The following SNX29 variants were observed in gnomAD, a reference collection of about 807,000 sequenced individuals.
SNX29 encodes the protein sorting nexin 29, also known as sorting nexin-29.
Under a neutral mutation model 102.1 loss-of-function variants are expected in SNX29, and 78 were observed. That is an observed-to-expected ratio of 0.76 (90% confidence interval 0.64 to 0.92). SNX29 has a LOEUF of 0.92. SNX29 is among the 40% of genes least tolerant of loss of function. The probability of loss-of-function intolerance (pLI) is 0.00; values close to 1 mark genes in which losing one functional copy is unlikely to be tolerated. For missense variants in SNX29, 1,280 were observed against 1,061.7 expected (o/e 1.21, Z -2.86); for synonymous variants, 580 against 414.5 (o/e 1.40, Z -4.85).
chr16:12,452,660 T>A (rs1364585363), intron 18 of SNX29, among the ~76,000 whole-genome samples: 1 of 152,046 alleles, frequency 6.6e-6, no homozygotes, highest in Non-Finnish European at 1.5e-5. Context: ...TCACCAGCCC[T>A]GGGGACTGGT....
chr16:12,474,044 A>G (rs1480015804), intron 18 of SNX29, among the ~76,000 whole-genome samples: 4 of 152,010 alleles, frequency 2.6e-5, no homozygotes, highest in Admixed American at 2.6e-4. Context: ...GAGATCCGAG[A>G]ACCTTCTCTT....
chr16:12,152,246 A>G (rs1014883479), intron 13 of SNX29, among the ~76,000 whole-genome samples: 1 of 152,030 alleles, frequency 6.6e-6, no homozygotes. Context: ...GCAATAATAC[A>G]CATGAAAAGA....
chr16:12,545,064 C>T (rs943554652), intron 20 of SNX29, among the ~76,000 whole-genome samples: 1 of 152,164 alleles, frequency 6.6e-6, no homozygotes, highest in African/African-American at 2.4e-5. Context: ...TGTAGCATAG[C>T]CACGAAATGC....
intron 15 of SNX29, among the ~76,000 whole-genome samples, chr16:12,337,427 G>C (rs770022885): frequency 2.8e-4 from 43 of 151,838 alleles, no homozygotes; most frequent in Non-Finnish European, 5.7e-4. Flanking sequence ...CCACAGCCTC[G>C]ACCTCCTGGG....
chr16:11,990,185 G>C (rs565938324), intron 1 of SNX29, among the ~76,000 whole-genome samples: 1 of 152,322 alleles, frequency 6.6e-6, no homozygotes, highest in East Asian at 1.9e-4. Flanking sequence ...GGTGTGTTGT[G>C]TTTGTTTCAT....
At chr16:12,239,041 C>T (rs1193057674) in intron 14 of SNX29, among the ~76,000 whole-genome samples, 3 of 152,236 alleles carry the variant, frequency 2.0e-5, no homozygotes, top group African/African-American at 7.2e-5. Flanking sequence ...CATCTCACAA[C>T]TTGAGTTTAC....
chr16:12,476,389 T>TATATATATATATATATATAC (rs2087618409), intron 18 of SNX29, among the ~76,000 whole-genome samples: 3 of 13,956 alleles, frequency 2.1e-4, no homozygotes, highest in Non-Finnish European at 2.2e-4. Context: ...AAAAAATATA[T>TATATATATATATATATATAC]ATATATATAT....
intron 13 of SNX29, among the ~76,000 whole-genome samples, chr16:12,161,651 G>A (rs564977812): frequency 2.0e-5 from 3 of 152,274 alleles, no homozygotes; most frequent in South Asian, 4.1e-4. Flanking sequence ...ACGGGGACAG[G>A]TGGGTCCCTC....
At chr16:12,155,677 G>A (rs533714225) in intron 13 of SNX29, among the ~76,000 whole-genome samples, 3 of 152,316 alleles carry the variant, frequency 2.0e-5, no homozygotes, top group East Asian at 3.9e-4. Flanking sequence ...GGCATGCCGA[G>A]ATGGAAAATG....
intron 15 of SNX29, among the ~76,000 whole-genome samples, chr16:12,291,189 A>T (rs1443030325): frequency 1.3e-5 from 2 of 152,004 alleles, no homozygotes; most frequent in African/African-American, 4.8e-5. Flanking sequence ...TTATTAGTCC[A>T]TTGTCACGGT....
chr16:12,117,589 T>C (rs936963806), intron 11 of SNX29, among the ~76,000 whole-genome samples: 4 of 152,192 alleles, frequency 2.6e-5, no homozygotes, highest in Non-Finnish European at 4.4e-5. Flanking sequence ...AGAGACGCAA[T>C]GTGGATCAGA....
At chr16:12,568,246 G>A (rs995144604) in intron 20 of SNX29, among the ~76,000 whole-genome samples, 4 of 150,674 alleles carry the variant, frequency 2.7e-5, no homozygotes, top group African/African-American at 9.8e-5. Flanking sequence ...CCGGAACGGT[G>A]GTACCATGAG....
At chr16:12,496,804 G>C (rs1450739748) in intron 19 of SNX29, among the ~76,000 whole-genome samples, 1 of 152,104 alleles carries the variant, frequency 6.6e-6, no homozygotes, top group African/African-American at 2.4e-5. Flanking sequence ...TGCAGGGTTC[G>C]GGGAAGACAT....
chr16:12,298,156 C>T (rs574822080), intron 15 of SNX29, among the ~76,000 whole-genome samples: 6 of 152,222 alleles, frequency 3.9e-5, no homozygotes, highest in South Asian at 4.2e-4. Flanking sequence ...GGCAACAGAG[C>T]GAGACTCTGT....
At chr16:12,384,608 CTGTT>C (rs1232743345) in intron 16 of SNX29, among the ~76,000 whole-genome samples, 7 of 152,118 alleles carry the variant, frequency 4.6e-5, no homozygotes, top group Non-Finnish European at 8.8e-5. Context: ...CTGATATAGT[CTGTT>C]TATTAATTCC....
rs1359085504 is a variant in SNX29 at position 12,361,691 on chromosome 16, TC to T, written c.1899+5413del. ...TTTTGGTTTTTTAAATTTATTTTTT[TC>T]TTAAACTTTTTTTCATATTATACAA... On this transcript the variant is annotated intron_variant, in intron 16 of 20. Transcript: ENST00000566228. 6.6e-5 allele frequency among the ~76,000 whole-genome samples: 10 copies of T among 152,342 alleles called. No homozygotes were observed. In the Middle Eastern group the frequency reaches 0.014, roughly 207 times the overall value.
At chr16:11,990,709 G>C (rs2055816247) in intron 1 of SNX29, among the ~76,000 whole-genome samples, 1 of 152,078 alleles carries the variant, frequency 6.6e-6, no homozygotes, top group Non-Finnish European at 1.5e-5. Context: ...CTTGTTCCCT[G>C]CAAGACTCTG....
intron 11 of SNX29, among the ~76,000 whole-genome samples, chr16:12,100,859 G>A (rs1461382703): frequency 1.3e-5 from 2 of 152,168 alleles, no homozygotes; most frequent in South Asian, 2.1e-4. Context: ...AGCAGGGAGG[G>A]CAGCTGGCAG....
chr16:12,106,283 A>G (rs1337380515), intron 11 of SNX29, among the ~76,000 whole-genome samples: 1 of 151,924 alleles, frequency 6.6e-6, no homozygotes, highest in Non-Finnish European at 1.5e-5. Context: ...TTTCTGTGAC[A>G]GAGACCCTGA....
Sources: allele counts gnomAD v4.1 joint callset (sites outside exome capture counted in the v4.1 genomes callset), GRCh38; gene constraint gnomAD v4.1.1; transcripts MANE v1.5; gene names NCBI Gene and HGNC (gene_info 2026-07-23, HGNC 2026-07-21).